The following PTPRG variants were observed in gnomAD, a reference collection of about 807,000 sequenced individuals.
PTPRG encodes the protein protein tyrosine phosphatase receptor type G.
Under a neutral mutation model 165.3 loss-of-function variants are expected in PTPRG, and 102 were observed. The ratio of observed to expected loss-of-function variants is 0.62; its 90% CI spans 0.53 to 0.73. PTPRG has a LOEUF of 0.73. Among genes scored for constraint, PTPRG ranks in the 30% least tolerant of loss-of-function variants. The pLI is 0.00. For synonymous variants in PTPRG, 675 were observed against 669.5 expected, an observed-to-expected ratio of 1.01 and a Z score of -0.13; for missense variants, 1,866 against 1,861.4, an observed-to-expected ratio of 1.00 and a Z score of -0.05.
At chr3:61,877,565 A>G (rs780367528) in intron 2 of PTPRG, among the ~76,000 whole-genome samples, 21 of 152,248 alleles carry the variant, frequency 1.4e-4, no homozygotes, top group Non-Finnish European at 2.8e-4. Context: ...CAAGCATACT[A>G]AACAGATTAA....
chr3:62,092,439 GA>G (rs55955359), intron 5 of PTPRG, among the ~76,000 whole-genome samples: 42,055 of 88,872 alleles, frequency 0.47, 7,483 homozygotes, highest in Middle Eastern at 0.65. Flanking sequence ...GAGTCCATCT[GA>G]AAAAAAAAAA....
chr3:61,936,535 C>T (rs1313288475), intron 2 of PTPRG, among the ~76,000 whole-genome samples: 1 of 152,134 alleles, frequency 6.6e-6, no homozygotes, highest in African/African-American at 2.4e-5. Context: ...CCTACCCGCC[C>T]CCTACTGGTC....
At chr3:61,696,056 C>T (rs1258394552) in intron 1 of PTPRG, among the ~76,000 whole-genome samples, 8 of 152,114 alleles carry the variant, frequency 5.3e-5, no homozygotes, top group Admixed American at 5.2e-4. Flanking sequence ...ACTACATGTT[C>T]TTAAAATGAA....
Position 61,672,792 on chromosome 3 carries a change from GGA to G in PTPRG, c.86-76080_86-76079del, listed in dbSNP as rs1313557305. ...GGGAGAGGGAGAGAGGGAGAGAGAG[GGA>G]GAGAGGGGGAGAGAGAGGGAGAGAG... On this transcript the variant is annotated intron_variant, in intron 1 of 29. Coordinates refer to ENST00000474889, the MANE Select transcript of PTPRG (RefSeq NM_002841.4). 1.7e-3 allele frequency among the ~76,000 whole-genome samples: 250 copies of G among 147,324 alleles called. 3 individuals carry two copies. Among genetic ancestry groups the G allele is most frequent in the African/African-American group, 6.0e-3 (233 of 38,804 alleles).
At chr3:61,925,756 A>C in intron 2 of PTPRG, 1 of 376,440 alleles carries the variant, frequency 2.7e-6, no homozygotes, top group Non-Finnish European at 5.2e-6. Context: ...AAAAAAAAAA[A>C]ATCATCATTG....
intron 3 of PTPRG, among the ~76,000 whole-genome samples, chr3:62,000,611 C>T (rs1357794814): frequency 6.6e-6 from 1 of 152,070 alleles, no homozygotes; most frequent in African/African-American, 2.4e-5. Flanking sequence ...GAGGTAGATG[C>T]CATCTCAAAA....
In PTPRG at chr3:62,276,933, T is replaced by C. The variant is rs759834751; in HGVS notation, c.3560-39T>C. On this transcript the variant is annotated intron_variant, in intron 24 of 29. Coordinates refer to ENST00000474889, the MANE Select transcript of PTPRG (RefSeq NM_002841.4). Reference sequence around the variant, plus strand: ...AGAGCTGTTGGTTCTGTGTGTATAATAAGGCAAATGTGGTGTTTTTGTTTT... The same window carrying C: ...AGAGCTGTTGGTTCTGTGTGTATAACAAGGCAAATGTGGTGTTTTTGTTTT... 4 of 1,535,760 alleles carry C rather than the reference T, an allele frequency of 2.6e-6. No individual in the cohort carries two copies. In the South Asian group the frequency reaches 4.5e-5, roughly 17 times the overall value.
At chr3:61,827,992 C>T (rs1310769043) in intron 2 of PTPRG, among the ~76,000 whole-genome samples, 1 of 152,020 alleles carries the variant, frequency 6.6e-6, no homozygotes, top group Non-Finnish European at 1.5e-5. Flanking sequence ...AAATATTTTT[C>T]CTTAAATTAA....
At chr3:62,167,136 G>T (rs1335305839) in intron 7 of PTPRG, among the ~76,000 whole-genome samples, 3 of 152,120 alleles carry the variant, frequency 2.0e-5, no homozygotes, top group African/African-American at 7.2e-5. Flanking sequence ...GGACTTAACT[G>T]TGTGCTAAGC....
chr3:62,273,972 TC>T lies in PTPRG; in HGVS notation c.3465+130del. 1.1e-6 allele frequency: 1 copy of T among 889,954 alleles called. No homozygotes were observed. Among genetic ancestry groups the T allele is most frequent in the South Asian group, 1.8e-5 (1 of 55,504 alleles). 55.1% of individuals were successfully genotyped at this position (889,954 alleles called of 1,614,324 possible). On this transcript the variant is annotated intron_variant, in intron 23 of 29. Transcript: ENST00000474889. This position sits in a 1 kb window ranked among gnomAD's most constrained non-coding sequence, Gnocchi z 4.1. Reference sequence around the variant, plus strand: ...GGATTACTATTTGTACTCCTTGTACTCCTTAAATGTGATGAAAAAGAAAATA... The same window carrying T: ...GGATTACTATTTGTACTCCTTGTACTCTTAAATGTGATGAAAAAGAAAATA...
At position 62,195,615 on chromosome 3, in the gene PTPRG, T is replaced by C. The variant is rs913508732; in HGVS notation, c.1327+445T>C. On this transcript the variant is annotated intron_variant, in intron 10 of 29. Transcript: ENST00000474889. This position sits in a 1 kb window ranked among gnomAD's most constrained non-coding sequence, Gnocchi z 4.4. ...CAAGCCACACAAACAAGCGCCTGCA[T>C]GCAGGATCCTTGAGATTCCTGGATC... Among the ~76,000 whole-genome samples, 13 of 152,128 alleles carry C rather than the reference T, an allele frequency of 8.5e-5. No individual in the cohort carries two copies. Among genetic ancestry groups the C allele is most frequent in the African/African-American group, 2.9e-4 (12 of 41,436 alleles).
chr3:62,123,179 C>G (rs942509866), intron 5 of PTPRG, among the ~76,000 whole-genome samples: 3 of 152,194 alleles, frequency 2.0e-5, no homozygotes, highest in African/African-American at 7.2e-5. Flanking sequence ...GAAAGTTCAA[C>G]TGGGGAATGA....
rs1703681412 is a variant in PTPRG, at chr3:62,135,636, C to G, written c.682+2968C>G. On this transcript the variant is annotated intron_variant, in intron 6 of 29. Transcript: ENST00000474889. ...TATTTGGCAGTTGGTCATTAGGGTC[C>G]TCTCTTAAGCAGACGCCAAGGTGGA... is the stretch of plus-strand genomic sequence containing the variant. Among the ~76,000 whole-genome samples the G allele has an allele frequency of 1.3e-5, 2 of 152,130 alleles. 1 individual carries two copies. The highest frequency in any genetic ancestry group is 4.1e-4 in the South Asian group (2 of 4,820).
At chr3:62,062,015 G>C (rs895693532) in intron 4 of PTPRG, among the ~76,000 whole-genome samples, 1 of 151,878 alleles carries the variant, frequency 6.6e-6, no homozygotes, top group Non-Finnish European at 1.5e-5. Flanking sequence ...ATTTAGTATG[G>C]GGGGGCGGGC....
intron 5 of PTPRG, among the ~76,000 whole-genome samples, chr3:62,102,089 T>C (rs1045020079): frequency 1.3e-5 from 2 of 152,184 alleles, no homozygotes; most frequent in African/African-American, 4.8e-5. Flanking sequence ...CTTAGTAATA[T>C]TTTGGTAGCA....
chr3:62,209,325 G>A (rs1282747758), intron 12 of PTPRG, among the ~76,000 whole-genome samples: 1 of 152,134 alleles, frequency 6.6e-6, no homozygotes, highest in Admixed American at 6.5e-5. Context: ...GAACCATCTG[G>A]TCAAAATGTC....
chr3:61,937,457 G>C (rs1308438662), intron 2 of PTPRG, among the ~76,000 whole-genome samples: 1 of 152,176 alleles, frequency 6.6e-6, no homozygotes, highest in Non-Finnish European at 1.5e-5. Flanking sequence ...GCTGTCTCTA[G>C]ATATTATCAG....
intron 2 of PTPRG, among the ~76,000 whole-genome samples, chr3:61,818,285 A>G (rs1262041807): frequency 6.6e-6 from 1 of 152,222 alleles, no homozygotes; most frequent in Non-Finnish European, 1.5e-5. Flanking sequence ...TGAGAATGTG[A>G]TAGATGGTAT....
chr3:61,896,894 G>A (rs978406184), intron 2 of PTPRG, among the ~76,000 whole-genome samples: 3 of 151,084 alleles, frequency 2.0e-5, no homozygotes, highest in Admixed American at 6.6e-5. Flanking sequence ...GTCTTCTGCC[G>A]ATTCTCTTTT....
Sources: allele counts gnomAD v4.1 joint callset (sites outside exome capture counted in the v4.1 genomes callset), GRCh38; gene constraint gnomAD v4.1.1; non-coding constraint Gnocchi (gnomAD v3.1); transcripts MANE v1.5; gene names NCBI Gene and HGNC (gene_info 2026-07-23, HGNC 2026-07-21).